Variants in LRRIQ1 observed in about 807,000 individuals in gnomAD.
LRRIQ1 encodes leucine rich repeats and IQ motif containing 1.
Under a neutral mutation model 211.9 loss-of-function variants are expected in LRRIQ1, and 210 were observed. That is an observed-to-expected ratio of 0.99 (90% CI 0.89 to 1.11). The LOEUF is 1.11. Ranked by LOEUF, LRRIQ1 falls within the 50% of genes most tolerant of loss-of-function variation. The pLI, the probability that LRRIQ1 is intolerant of heterozygous loss-of-function variation, is 0.00. For missense variants in LRRIQ1, 2,136 were observed against 1,939.5 expected, an observed-to-expected ratio of 1.10 and a Z score of -1.90; for synonymous variants, 699 against 650.1, an observed-to-expected ratio of 1.08 and a Z score of -1.14.
chr12:85,106,121 A>T (rs1886766573), intron 14 of LRRIQ1, among the ~76,000 whole-genome samples: 1 of 152,082 alleles, frequency 6.6e-6, no homozygotes, highest in Admixed American at 6.6e-5. Context: ...TAAGGTAAAA[A>T]GGTCCATGCA....
chr12:85,070,718 A>C (rs969123040), intron 10 of LRRIQ1, among the ~76,000 whole-genome samples: 4 of 151,798 alleles, frequency 2.6e-5, no homozygotes, highest in Admixed American at 6.6e-5. Context: ...TTGTATTGTG[A>C]ACTTGAATTG....
chr12:85,165,647 T>G lies in LRRIQ1; in HGVS notation c.4822+4933T>G, dbSNP rs1366618670. Among the ~76,000 whole-genome samples the G allele has an allele frequency of 2.0e-5, 3 of 151,934 alleles. No homozygotes were observed. In the East Asian group the frequency reaches 5.8e-4, roughly 29 times the overall value. The stretch of plus-strand genomic sequence containing the variant: ...GCCACCACGCCCAGCTAATTTCTTT[T>G]GTATTTTAGTAGAGACGGGGTTTCA... On this transcript the variant is annotated intron_variant, in intron 24 of 26. Transcript: ENST00000393217.
At chr12:85,211,408 A>G (rs775793279) in intron 24 of LRRIQ1, among the ~76,000 whole-genome samples, 9 of 152,168 alleles carry the variant, frequency 5.9e-5, no homozygotes, top group Non-Finnish European at 1.2e-4. Flanking sequence ...CCAATCTACA[A>G]TATTTTAGGA....
At chr12:85,147,835 C>A (rs1484111448) in intron 19 of LRRIQ1, among the ~76,000 whole-genome samples, 4 of 151,626 alleles carry the variant, frequency 2.6e-5, no homozygotes, top group African/African-American at 9.7e-5. Context: ...CAAGTTGTCC[C>A]ACCCAAAATG....
chr12:85,208,021 T>G (rs1037156904), intron 24 of LRRIQ1, among the ~76,000 whole-genome samples: 1 of 152,008 alleles, frequency 6.6e-6, no homozygotes, highest in Non-Finnish European at 1.5e-5. Flanking sequence ...ATGTTCCTTT[T>G]TTTTTCAAAT....
rs147445717 is a variant in LRRIQ1 at position 85,131,157 on chromosome 12, G to A, written c.4209+3124G>A. Among the ~76,000 whole-genome samples, 601 of 148,460 alleles carry A rather than the reference G, an allele frequency of 4.0e-3. 2 individuals carry two copies. The highest frequency in any genetic ancestry group is 0.014 in the African/African-American group (571 of 40,160). ...ACCCAGAGGGGAAGGAGGTTGCAGT[G>A]AGCCGAGATCACACCACTGCACTCC... On this transcript the variant is annotated intron_variant, in intron 18 of 26. Transcript: ENST00000393217.
At position 85,056,369 on chromosome 12, in the gene LRRIQ1, C is replaced by G; in HGVS notation, c.1576C>G (p.Pro526Ala). 6.3e-7 allele frequency: 1 copy of G among 1,591,324 alleles called. No homozygotes were observed. The highest frequency in any genetic ancestry group is 1.2e-5 in the South Asian group (1 of 84,796). The change falls in exon 8 of 27, where the codon CCA becomes GCA. Residue 526 changes from proline to alanine, a missense_variant. Pro to Ala is a conservative substitution (Grantham distance 27, BLOSUM62 -1). Transcript: ENST00000393217. ...DLKGNLKEQF[P>A]LQELKSDAQK... ...AAAAGGAAATCTGAAAGAACAGTTT[C>G]CATTGCAAGAATTAAAGTCTGATGC... is the stretch of plus-strand genomic sequence containing the variant.
intron 15 of LRRIQ1, among the ~76,000 whole-genome samples, 171 bp downstream of exon 15, chr12:85,106,786 C>T (rs1232183393): frequency 6.6e-6 from 1 of 152,020 alleles, no homozygotes; most frequent in Non-Finnish European, 1.5e-5. Flanking sequence ...TGTTTTTATT[C>T]TAAAATAATT....
chr12:85,086,692 G>A (rs1393887368), intron 11 of LRRIQ1, among the ~76,000 whole-genome samples: 25 of 150,612 alleles, frequency 1.7e-4, no homozygotes, highest in Admixed American at 1.4e-3. Context: ...TATCAAATTT[G>A]TGTAGATACA....
At chr12:85,104,509 A>G (rs944791960) in intron 14 of LRRIQ1, among the ~76,000 whole-genome samples, 7 of 151,994 alleles carry the variant, frequency 4.6e-5, no homozygotes, top group Non-Finnish European at 7.4e-5. Context: ...GACTGAATTT[A>G]TCACCACACA....
rs539049666 is a variant in LRRIQ1 at position 85,120,208 on chromosome 12, T to G, written c.3378-1489T>G. On this transcript the variant is annotated intron_variant, in intron 15 of 26. Coordinates refer to ENST00000393217, the MANE Select transcript of LRRIQ1 (RefSeq NM_001079910.2). ...GTCTTTGATTCCTTCTGAGATAATA[T>G]TTTGTGAAGGGTGTAGTCTGTCTAG... Among the ~76,000 whole-genome samples the G allele has an allele frequency of 1.3e-3, 195 of 152,300 alleles. 2 individuals are homozygous for G. The highest frequency in any genetic ancestry group is 4.4e-3 in the African/African-American group (183 of 41,556).
chr12:85,267,114 T>A (rs1185266432), downstream of LRRIQ1, among the ~76,000 whole-genome samples: 2 of 152,044 alleles, frequency 1.3e-5, no homozygotes, highest in Non-Finnish European at 2.9e-5. Context: ...TGAAAAGTAA[T>A]TTTCTCCCAC....
At chr12:85,113,479 T>G (rs1887332010) in intron 15 of LRRIQ1, among the ~76,000 whole-genome samples, 1 of 152,030 alleles carries the variant, frequency 6.6e-6, no homozygotes, top group African/African-American at 2.4e-5. Context: ...TGGAAAAAAT[T>G]TTGTTTATTG....
chr12:85,236,075 A>G (rs2137223899), intron 26 of LRRIQ1, among the ~76,000 whole-genome samples: 1 of 152,292 alleles, frequency 6.6e-6, no homozygotes, highest in South Asian at 2.1e-4. Context: ...GCATTGAAAA[A>G]GTGCAGGAGT....
intron 13 of LRRIQ1, among the ~76,000 whole-genome samples, chr12:85,100,491 A>C (rs1482889678): frequency 6.6e-6 from 1 of 151,738 alleles, no homozygotes; most frequent in Admixed American, 6.6e-5. Flanking sequence ...TTGACTATTG[A>C]GATGGGGTTT....
At chr12:85,269,906 C>T in the LRRIQ1 span, among the ~76,000 whole-genome samples, 1 of 151,968 alleles carries the variant, frequency 6.6e-6, no homozygotes, top group Non-Finnish European at 1.5e-5. Flanking sequence ...ATCAGGGTGT[C>T]AGTATTCGTG....
At chr12:85,241,987 T>C (rs895392082) in intron 26 of LRRIQ1, among the ~76,000 whole-genome samples, 1 of 152,012 alleles carries the variant, frequency 6.6e-6, no homozygotes, top group East Asian at 1.9e-4. Context: ...CGTCATTTCA[T>C]TGTGAAATTA....
chr12:85,190,006 A>G (rs1043794802), intron 24 of LRRIQ1, among the ~76,000 whole-genome samples: 1 of 141,864 alleles, frequency 7.0e-6, no homozygotes. Flanking sequence ...TATATAATTT[A>G]ATATGTTATA....
chr12:85,241,999 A>G (rs1432157621), intron 26 of LRRIQ1, among the ~76,000 whole-genome samples: 2 of 152,022 alleles, frequency 1.3e-5, no homozygotes, highest in Non-Finnish European at 2.9e-5. Flanking sequence ...GTGAAATTAT[A>G]GGGCGGAAGT....
Sources: allele counts gnomAD v4.1 joint callset (sites outside exome capture counted in the v4.1 genomes callset), GRCh38; gene constraint gnomAD v4.1.1; transcripts MANE v1.5; gene names NCBI Gene and HGNC (gene_info 2026-07-23, HGNC 2026-07-21).